The following TMEM154 variants were observed in gnomAD, a reference collection of about 807,000 sequenced individuals.
The protein encoded by TMEM154 is transmembrane protein 154.
Under a neutral mutation model 24.5 loss-of-function variants are expected in TMEM154, and 27 were observed. That is an observed-to-expected ratio of 1.10 (90% confidence interval 0.81 to 1.52). The LOEUF is 1.52. Ranked by LOEUF, TMEM154 falls within the 40% of genes most tolerant of loss-of-function variation. The pLI is 0.00. For synonymous variants in TMEM154, 67 were observed against 76.8 expected, an observed-to-expected ratio of 0.87 and a Z score of 0.67; for missense variants, 228 against 213.4, an observed-to-expected ratio of 1.07 and a Z score of -0.43.
chr4:152,647,006 G>A (rs1561049363), intron 3 of TMEM154: 1 of 719,160 alleles, frequency 1.4e-6, no homozygotes, highest in Admixed American at 2.0e-5. Flanking sequence ...GGAAGAATGA[G>A]AGCAGAACAT....
chr4:152,664,416 C>G (rs964960542), intron 1 of TMEM154, among the ~76,000 whole-genome samples: 2 of 151,996 alleles, frequency 1.3e-5, no homozygotes, highest in Admixed American at 1.3e-4. Flanking sequence ...AGGACAAATA[C>G]CTAATACATG....
intron 3 of TMEM154, among the ~76,000 whole-genome samples, chr4:152,648,204 G>C (rs927692414): frequency 5.9e-5 from 9 of 152,174 alleles, no homozygotes; most frequent in African/African-American, 1.9e-4. Context: ...CCCTAGCAGG[G>C]GGGCGTGGTG....
In TMEM154 at chr4:152,634,315, C is replaced by T. The variant is rs180817912; in HGVS notation, c.537-5754G>A. Among the ~76,000 whole-genome samples, 27 of 152,290 alleles carry T rather than the reference C, an allele frequency of 1.8e-4. No homozygotes were observed. The East Asian group carries it at 4.8e-3, about 27-fold the overall frequency. On this transcript the variant is annotated intron_variant, in intron 6 of 6. Transcript: ENST00000304385. Reference sequence around the variant, plus strand: ...ACAATCCCTCTTTATGACCACAGCTCATGTACTCTGTCTCCAAAGATGGCA... The same window carrying T: ...ACAATCCCTCTTTATGACCACAGCTTATGTACTCTGTCTCCAAAGATGGCA...
Position 152,652,868 on chromosome 4 carries a change from TATTTGGTCTTTCAG to T in TMEM154, c.110_123del (p.Ser37Ter). On this transcript the variant is annotated frameshift_variant, in exon 2 of 7. Coordinates refer to ENST00000304385, the MANE Select transcript of TMEM154 (RefSeq NM_152680.3). LOFTEE classifies it high-confidence loss of function. ...GCAAATGTGCTTGGAATAGTCACTT[TATTTGGTCTTTCAG>T]ATTCCACAGTTGTATCTCCTGAGTT... is the stretch of plus-strand genomic sequence containing the variant. 1 of 1,613,876 alleles carries T rather than the reference TATTTGGTCTTTCAG, an allele frequency of 6.2e-7. No individual in the cohort carries two copies. The highest frequency in any genetic ancestry group is 8.5e-7 in the Non-Finnish European group (1 of 1,179,900).
rs1183718961 is a variant in TMEM154, at chr4:152,620,504, C to T, written c.*8042G>A. 2 of 132,052 alleles carry T rather than the reference C, an allele frequency of 1.5e-5. No individual in the cohort carries two copies. Among genetic ancestry groups the T allele is most frequent in the Non-Finnish European group, 3.2e-5 (2 of 62,006 alleles). The allele number at this position is 132,052 out of a possible 1,614,324, so 8.2% of individuals were successfully genotyped here. Reference sequence around the variant, plus strand: ...AAGGCATCCTTGACAATGACTGAAACTTTTTTTTGTTTGTTTTTTTGTTGT... The same window carrying T: ...AAGGCATCCTTGACAATGACTGAAATTTTTTTTTGTTTGTTTTTTTGTTGT... On this transcript the variant is annotated 3_prime_UTR_variant, in exon 7 of 7. Coordinates refer to ENST00000304385, the MANE Select transcript of TMEM154 (RefSeq NM_152680.3).
intron 6 of TMEM154, among the ~76,000 whole-genome samples, chr4:152,629,535 T>C (rs2149777009): frequency 6.6e-6 from 1 of 152,310 alleles, no homozygotes; most frequent in African/African-American, 2.4e-5. Context: ...CTCCACCAAG[T>C]CTCCTGGAAA....
chr4:152,641,918 T>TTTC, intron 5 of TMEM154, among the ~76,000 whole-genome samples: 1 of 117,844 alleles, frequency 8.5e-6, no homozygotes, highest in East Asian at 2.3e-4. Context: ...TTTTTTTTTT[T>TTTC]TTTTTTTTTT....
intron 6 of TMEM154, among the ~76,000 whole-genome samples, chr4:152,637,318 G>T (rs1465456071): frequency 6.6e-6 from 1 of 152,232 alleles, no homozygotes; most frequent in African/African-American, 2.4e-5. Flanking sequence ...GGCTGAGGTG[G>T]ATGGATCACC....
At chr4:152,643,293 T>A in intron 4 of TMEM154, 120 bp from the exon 5 acceptor site, 1 of 731,790 alleles carries the variant, frequency 1.4e-6, no homozygotes, top group Non-Finnish European at 2.2e-6. Flanking sequence ...CCTTATGCTC[T>A]AGGGAAGCCT....
At chr4:152,636,432 T>A (rs1752150556) in intron 6 of TMEM154, among the ~76,000 whole-genome samples, 1 of 152,208 alleles carries the variant, frequency 6.6e-6, no homozygotes, top group Non-Finnish European at 1.5e-5. Flanking sequence ...CATGATTCCT[T>A]TGTTGCTTTT....
chr4:152,649,908 T>C (rs1284057382), intron 3 of TMEM154, among the ~76,000 whole-genome samples: 3 of 152,258 alleles, frequency 2.0e-5, no homozygotes, highest in African/African-American at 7.2e-5. Flanking sequence ...TAAAAAGTTA[T>C]GTTTTTCCTA....
At chr4:152,668,434 G>A (rs555359398) in intron 1 of TMEM154, 1 of 152,114 alleles carries the variant, frequency 6.6e-6, no homozygotes, top group Non-Finnish European at 1.5e-5. Context: ...AGAGTAACTT[G>A]AAAACAGATA....
In TMEM154 at chr4:152,621,696, C is replaced by A. The variant is rs926143612; in HGVS notation, c.*6850G>T. ...ATGTTATCTACAACTTATGAATCTG[C>A]CTTTCAGCCTTACTTTCTTCTAATA... On this transcript the variant is annotated 3_prime_UTR_variant, in exon 7 of 7. Coordinates refer to ENST00000304385, the MANE Select transcript of TMEM154 (RefSeq NM_152680.3). The A allele has an allele frequency of 5.3e-5, 8 of 152,062 alleles. No individual in the cohort carries two copies. The highest frequency in any genetic ancestry group is 1.9e-4 in the African/African-American group (8 of 41,388). 9.4% of individuals were successfully genotyped at this position (152,062 alleles called of 1,614,324 possible). A position where few individuals can be genotyped will look rare whatever the true frequency, so the allele number is the denominator to read the frequency against.
chr4:152,660,666 C>A (rs959418715), intron 1 of TMEM154, among the ~76,000 whole-genome samples: 6 of 152,176 alleles, frequency 3.9e-5, no homozygotes, highest in African/African-American at 1.4e-4. Context: ...GTTTTCCCTC[C>A]CTCAGGGAGG....
At chr4:152,656,925 A>G (rs867556880) in intron 1 of TMEM154, among the ~76,000 whole-genome samples, 2 of 151,824 alleles carry the variant, frequency 1.3e-5, no homozygotes, top group Non-Finnish European at 1.5e-5. Context: ...AATACCCAAA[A>G]TTAGAAAACA....
At chr4:152,660,262 T>C (rs1380061343) in intron 1 of TMEM154, among the ~76,000 whole-genome samples, 1 of 152,002 alleles carries the variant, frequency 6.6e-6, no homozygotes, top group Admixed American at 6.6e-5. Context: ...CTGGTACATA[T>C]GGGTATGATG....
rs533486714 is a variant in TMEM154, at chr4:152,623,282, T to C, written c.*5264A>G. On this transcript the variant is annotated 3_prime_UTR_variant, in exon 7 of 7. Transcript: ENST00000304385. ...CAAAAGAAAGTCAAACACAGTGTTT[T>C]TTTTTTTTACATAATTTTCAGTTAA... 2.1e-4 allele frequency: 32 copies of C among 152,244 alleles called. No homozygotes were observed. Among genetic ancestry groups the C allele is most frequent in the African/African-American group, 7.5e-4 (31 of 41,538 alleles). 9.4% of individuals were successfully genotyped at this position (152,244 alleles called of 1,614,324 possible).
intron 1 of TMEM154, among the ~76,000 whole-genome samples, chr4:152,670,313 G>C (rs941303474): frequency 4.6e-5 from 7 of 152,226 alleles, no homozygotes; most frequent in Non-Finnish European, 7.3e-5. Context: ...GAGGCCGGGT[G>C]CGGTGGCTCA....
At chr4:152,640,844 G>A in intron 6 of TMEM154, 84 bp downstream of exon 6, 13 of 1,200,742 alleles carry the variant, frequency 1.1e-5, no homozygotes, top group Non-Finnish European at 1.6e-5. Context: ...CACGGAGGAG[G>A]TAAGCAAAAA....
Sources: allele counts gnomAD v4.1 joint callset (sites outside exome capture counted in the v4.1 genomes callset), GRCh38; gene constraint gnomAD v4.1.1; transcripts MANE v1.5; gene names NCBI Gene and HGNC (gene_info 2026-07-23, HGNC 2026-07-21).